Variants in ARHGAP42 observed in about 807,000 individuals in gnomAD.
ARHGAP42 encodes the protein Rho GTPase activating protein 42.
ARHGAP42 carries 63 observed loss-of-function variants against 125.0 expected under a neutral mutation model. The ratio of observed to expected loss-of-function variants is 0.50; its 90% CI spans 0.41 to 0.62. The LOEUF is 0.62. Among genes scored for constraint, ARHGAP42 ranks in the 20% least tolerant of loss-of-function variants. The pLI, the probability that ARHGAP42 is intolerant of heterozygous loss-of-function variation, is 0.00. For missense variants in ARHGAP42, 766 were observed against 1,024.2 expected, an observed-to-expected ratio of 0.75 and a Z score of 3.44; for synonymous variants, 339 against 351.0, an observed-to-expected ratio of 0.97 and a Z score of 0.38.
intron 1 of ARHGAP42, among the ~76,000 whole-genome samples, chr11:100,711,858 A>G (rs1009222722): frequency 4.6e-5 from 7 of 152,028 alleles, no homozygotes; most frequent in African/African-American, 7.3e-5. Flanking sequence ...AGTCAAAGAA[A>G]TGCAAATGAA....
At position 100,976,280 on chromosome 11, in the gene ARHGAP42, C is replaced by A. The variant is rs1007002531; in HGVS notation, c.2079C>A (p.Thr693=). The A allele has an allele frequency of 5.8e-6, 9 of 1,551,678 alleles. No individual in the cohort carries two copies. Among genetic ancestry groups the A allele is most frequent in the Non-Finnish European group, 7.8e-6 (9 of 1,146,910 alleles). Residue 693 remains threonine (T), a synonymous_variant, in exon 20 of 24, where the codon ACC becomes ACA. Transcript: ENST00000298815. The part of the protein sequence containing the change: ...SPESSSREDA[T]KTDAESDCQS... ...AATCAAGTTCCAGAGAAGATGCAAC[C>A]AAGACAGATGCAGAATCAGACTGCC...
chr11:100,780,548 A>G (rs932601124), intron 2 of ARHGAP42, among the ~76,000 whole-genome samples: 2 of 152,232 alleles, frequency 1.3e-5, no homozygotes, highest in African/African-American at 4.8e-5. Flanking sequence ...TCTATGAAGC[A>G]TGGTGGAGCG....
chr11:100,729,042 T>C (rs1861912025), intron 1 of ARHGAP42, among the ~76,000 whole-genome samples: 1 of 151,456 alleles, frequency 6.6e-6, no homozygotes. Flanking sequence ...GTGCTGTGAT[T>C]ACAGGTGTGA....
At chr11:100,732,099 C>T (rs1355481878) in intron 1 of ARHGAP42, among the ~76,000 whole-genome samples, 1 of 152,044 alleles carries the variant, frequency 6.6e-6, no homozygotes, top group Admixed American at 6.6e-5. Flanking sequence ...GCTGGGATTA[C>T]AGGCATACAC....
chr11:100,989,429 G>A lies in ARHGAP42; in HGVS notation c.*628G>A, dbSNP rs1858773733. On this transcript the variant is annotated 3_prime_UTR_variant, in exon 24 of 24. Transcript: ENST00000298815. ...AATTAAGTCATACACTGATTCCACT[G>A]TAAACAATCTGTCCAGAATTCCAGA... The A allele has an allele frequency of 3.7e-6, 1 of 268,210 alleles. No homozygotes were observed. The allele number at this position is 268,210 out of a possible 1,614,324, so 16.6% of individuals were successfully genotyped here. A position where few individuals can be genotyped will look rare whatever the true frequency, so the allele number is the denominator to read the frequency against.
At chr11:100,831,306 G>A (rs144783878) in intron 3 of ARHGAP42, among the ~76,000 whole-genome samples, 1 of 152,150 alleles carries the variant, frequency 6.6e-6, no homozygotes, top group East Asian at 1.9e-4. Flanking sequence ...ATTAAACAAG[G>A]TTTTCATTAT....
chr11:100,832,518 G>C (rs943170300), intron 3 of ARHGAP42, among the ~76,000 whole-genome samples: 2 of 152,280 alleles, frequency 1.3e-5, no homozygotes, highest in South Asian at 4.1e-4. Context: ...AAATCTAAAA[G>C]TCTTCCTAAC....
chr11:100,696,322 G>C (rs12288213), intron 1 of ARHGAP42, among the ~76,000 whole-genome samples: 2,360 of 152,056 alleles, frequency 0.016, 78 homozygotes, highest in African/African-American at 0.054. Flanking sequence ...AGATTCTATG[G>C]TAAAATGTCT....
intron 1 of ARHGAP42, among the ~76,000 whole-genome samples, chr11:100,719,495 G>A (rs1861721930): frequency 1.3e-5 from 2 of 152,122 alleles, no homozygotes; most frequent in African/African-American, 4.8e-5. Flanking sequence ...GCCTTCTGTG[G>A]GCTACTTATT....
Position 100,918,747 on chromosome 11 carries a change from A to G in ARHGAP42, c.487-2747A>G, listed in dbSNP as rs541184625. 2.6e-5 allele frequency among the ~76,000 whole-genome samples: 4 copies of G among 152,306 alleles called. No individual in the cohort carries two copies. In the South Asian group the frequency reaches 8.3e-4, roughly 32 times the overall value. On this transcript the variant is annotated intron_variant, in intron 5 of 23. Transcript: ENST00000298815. ...TATGCTCTGGATGACGTTTCACAGC[A>G]GCTTTGGTGTATCAAATTTCAGTAG...
intron 18 of ARHGAP42, among the ~76,000 whole-genome samples, chr11:100,973,747 G>T (rs1816032642): frequency 6.6e-6 from 1 of 152,062 alleles, no homozygotes; most frequent in Admixed American, 6.5e-5. Context: ...CCCTAAGAAG[G>T]ATTTCTTGAA....
At chr11:100,885,385 T>C (rs1173461275) in intron 4 of ARHGAP42, among the ~76,000 whole-genome samples, 1 of 152,212 alleles carries the variant, frequency 6.6e-6, no homozygotes, top group East Asian at 1.9e-4. Context: ...ACAATTTCTT[T>C]AGGTTATTTA....
At chr11:100,910,169 T>C (rs1198274380) in intron 4 of ARHGAP42, among the ~76,000 whole-genome samples, 1 of 152,168 alleles carries the variant, frequency 6.6e-6, no homozygotes, top group African/African-American at 2.4e-5. Flanking sequence ...TTTTTGAGGA[T>C]ATATTTTATT....
intron 1 of ARHGAP42, among the ~76,000 whole-genome samples, chr11:100,751,241 G>A (rs1282502796): frequency 3.0e-4 from 2 of 6,654 alleles, no homozygotes; most frequent in African/African-American, 1.0e-3. Context: ...CCTGGCTGAT[G>A]TATGTGTATG....
chr11:100,776,251 A>G (rs17095481), intron 2 of ARHGAP42, among the ~76,000 whole-genome samples: 20,738 of 152,150 alleles, frequency 0.14, 1,409 homozygotes, highest in Middle Eastern at 0.24. Flanking sequence ...TATTCATTCT[A>G]TGTAATCTTG....
chr11:100,970,423 G>A (rs1355640635), intron 17 of ARHGAP42, among the ~76,000 whole-genome samples: 3 of 152,122 alleles, frequency 2.0e-5, no homozygotes, highest in Admixed American at 1.3e-4. Context: ...AGTTTCAGGA[G>A]AGTTCTGTTT....
intron 4 of ARHGAP42, among the ~76,000 whole-genome samples, chr11:100,899,426 A>C (rs1192598018): frequency 6.6e-6 from 1 of 152,134 alleles, no homozygotes; most frequent in Admixed American, 6.5e-5. Context: ...TGTTCTGTCT[A>C]ATATTGACAG....
chr11:100,766,222 G>GGGGTGTGTGTGT (rs1554993827), intron 1 of ARHGAP42, among the ~76,000 whole-genome samples: 3 of 149,186 alleles, frequency 2.0e-5, no homozygotes, highest in African/African-American at 7.4e-5. Context: ...AAGGATGTGG[G>GGGGTGTGTGTGT]GTGTGTGTGT....
intron 4 of ARHGAP42, among the ~76,000 whole-genome samples, chr11:100,865,210 G>T (rs918257452): frequency 2.6e-5 from 4 of 151,978 alleles, no homozygotes; most frequent in African/African-American, 9.7e-5. Context: ...CTGAACATTC[G>T]TTTATTATTT....
Sources: gnomAD v4.1 joint callset for allele counts (sites outside exome capture counted in the v4.1 genomes callset) on GRCh38, gnomAD v4.1.1 for gene constraint, MANE v1.5 for transcripts, NCBI Gene and HGNC (gene_info 2026-07-23, HGNC 2026-07-21) for gene names.